The following RPF2 variants were observed in gnomAD, a reference collection of about 807,000 sequenced individuals.
RPF2 encodes ribosome production factor 2 homolog.
RPF2 carries 21 observed loss-of-function variants against 38.9 expected under a neutral mutation model. The ratio of observed to expected loss-of-function variants is 0.54; its 90% CI spans 0.38 to 0.78. RPF2 has a LOEUF of 0.78. RPF2 is among the 30% of genes least tolerant of loss of function. The pLI is 0.00. For missense variants in RPF2, 314 were observed against 358.1 expected (o/e 0.88, Z 0.99); for synonymous variants, 121 against 126.2 (o/e 0.96, Z 0.28).
Position 111,025,719 on chromosome 6 carries a change from C to A in RPF2, c.*137C>A. On this transcript the variant is annotated 3_prime_UTR_variant, in exon 10 of 10. Coordinates refer to ENST00000441448, the MANE Select transcript of RPF2 (RefSeq NM_032194.3). The stretch of plus-strand genomic sequence containing the variant: ...TAATTTTACGATATATTATTATGAA[C>A]AGTAATATACTAGTATTAAGTGTAA... 2 of 620,018 alleles carry A rather than the reference C, an allele frequency of 3.2e-6. No individual in the cohort carries two copies. Among genetic ancestry groups the A allele is most frequent in the Non-Finnish European group, 5.3e-6 (2 of 373,858 alleles). 38.4% of individuals were successfully genotyped at this position (620,018 alleles called of 1,614,324 possible).
intron 7 of RPF2, 71 bp from the exon 8 acceptor site, chr6:111,015,683 G>A: frequency 9.7e-7 from 1 of 1,032,182 alleles, no homozygotes; most frequent in Non-Finnish European, 1.5e-6. Flanking sequence ...ACTGTTTAGA[G>A]TGCAGTTCTT....
chr6:110,985,105 A>G lies in RPF2; in HGVS notation c.123A>G (p.Ala41=). 1 of 1,613,774 alleles carries G rather than the reference A, an allele frequency of 6.2e-7. No homozygotes were observed. Among genetic ancestry groups the G allele is most frequent in the Non-Finnish European group, 8.5e-7 (1 of 1,179,758 alleles). ...KNAMLIKGGN[A]NATVTKVLKD... Reference sequence around the variant, plus strand: ...CCATGCTGATTAAAGGGGGAAATGCAAATGCAACAGTGACAAAAGTACTTA... The same window carrying G: ...CCATGCTGATTAAAGGGGGAAATGCGAATGCAACAGTGACAAAAGTACTTA... Residue 41 remains alanine (A), a synonymous_variant, in exon 2 of 10, where the codon GCA becomes GCG. Coordinates refer to ENST00000441448, the MANE Select transcript of RPF2 (RefSeq NM_032194.3).
At chr6:111,013,399 C>T (rs550959350) in intron 7 of RPF2, among the ~76,000 whole-genome samples, 11 of 152,268 alleles carry the variant, frequency 7.2e-5, no homozygotes, top group African/African-American at 2.4e-4. Flanking sequence ...TATGCCCTCC[C>T]GTTTTCATTC....
chr6:111,003,292 T>G (rs6910046), intron 6 of RPF2, among the ~76,000 whole-genome samples: 19,677 of 152,078 alleles, frequency 0.13, 1,756 homozygotes, highest in East Asian at 0.49. Flanking sequence ...TAACTTGTCC[T>G]TCTCCTCCAC....
intron 9 of RPF2, among the ~76,000 whole-genome samples, chr6:111,024,636 C>T (rs1370703455): frequency 8.8e-5 from 13 of 147,326 alleles, no homozygotes; most frequent in East Asian, 2.0e-4. Flanking sequence ...TGGCGTGAAC[C>T]GGGGAGGTGG....
intron 8 of RPF2, among the ~76,000 whole-genome samples, chr6:111,017,427 C>T (rs1205354729): frequency 6.7e-6 from 1 of 150,204 alleles, no homozygotes; most frequent in Non-Finnish European, 1.5e-5. Context: ...GGGGCGGCTG[C>T]CGGATGGGGG....
chr6:111,009,565 C>T (rs1426293092), intron 7 of RPF2, among the ~76,000 whole-genome samples: 1 of 152,182 alleles, frequency 6.6e-6, no homozygotes. Flanking sequence ...ATATACACTG[C>T]TTCATTCTAA....
chr6:111,015,846 C>T lies in RPF2; in HGVS notation c.586C>T (p.Arg196Ter), dbSNP rs1440298892. The change falls in exon 8 of 10, where the codon CGA becomes TGA. Residue 196 changes from arginine to a stop codon, truncating the protein, a stop_gained. Transcript: ENST00000441448. LOFTEE classifies it high-confidence loss of function. ...FTALNGKIYFRSYKLLLKKSG... is the reference protein window; with the variant it reads ...FTALNGKIYF The stretch of plus-strand genomic sequence containing the variant: ...TGCACTGAATGGGAAGATTTACTTT[C>T]GAAGCTATAAGTAAGTGCATTTCTT... 5.0e-6 allele frequency: 8 copies of T among 1,600,842 alleles called. No individual in the cohort carries two copies. The highest frequency in any genetic ancestry group is 2.2e-5 in the East Asian group (1 of 44,828).
At chr6:110,991,393 C>A (rs1244175246) in intron 3 of RPF2, among the ~76,000 whole-genome samples, 3 of 149,698 alleles carry the variant, frequency 2.0e-5, no homozygotes, top group Non-Finnish European at 4.4e-5. Flanking sequence ...GCTCGGCGCC[C>A]CCTGCTTTTT....
At chr6:110,999,418 T>C (rs190749273) in intron 5 of RPF2, among the ~76,000 whole-genome samples, 37 of 152,326 alleles carry the variant, frequency 2.4e-4, no homozygotes, top group African/African-American at 8.9e-4. Context: ...GTATTGAGAT[T>C]GAGCCTGGCA....
chr6:111,014,153 T>G (rs76229987), intron 7 of RPF2, among the ~76,000 whole-genome samples: 1 of 151,780 alleles, frequency 6.6e-6, no homozygotes, highest in Non-Finnish European at 1.5e-5. Flanking sequence ...TTTTTTTTTT[T>G]TGAGACTGAG....
chr6:110,995,933 C>T (rs1336944467), intron 4 of RPF2, among the ~76,000 whole-genome samples: 1 of 151,832 alleles, frequency 6.6e-6, no homozygotes, highest in African/African-American at 2.4e-5. Flanking sequence ...CCTCCCACCT[C>T]AGCCTCCCAA....
At chr6:110,996,386 C>G (rs888701093) in intron 4 of RPF2, among the ~76,000 whole-genome samples, 1 of 151,960 alleles carries the variant, frequency 6.6e-6, no homozygotes, top group African/African-American at 2.4e-5. Context: ...ACCATGTTGG[C>G]CAGGCTGGTC....
At chr6:110,987,434 A>G (rs1771542828) in intron 2 of RPF2, among the ~76,000 whole-genome samples, 1 of 152,184 alleles carries the variant, frequency 6.6e-6, no homozygotes, top group Non-Finnish European at 1.5e-5. Flanking sequence ...TGCCTTATAT[A>G]GGCCCATCCC....
intron 7 of RPF2, among the ~76,000 whole-genome samples, chr6:111,011,865 G>A (rs776560780): frequency 2.0e-5 from 3 of 152,120 alleles, no homozygotes; most frequent in Non-Finnish European, 4.4e-5. Context: ...CAGTGGTGAG[G>A]GGAAGGGAGT....
intron 9 of RPF2, among the ~76,000 whole-genome samples, chr6:111,024,629 C>A (rs973799346): frequency 2.7e-5 from 4 of 149,056 alleles, no homozygotes; most frequent in African/African-American, 9.9e-5. Context: ...AGGAGAATGG[C>A]GTGAACCGGG....
intron 6 of RPF2, 69 bp from the exon 7 acceptor site, chr6:111,007,969 A>T: frequency 6.9e-7 from 1 of 1,441,094 alleles, no homozygotes; most frequent in Non-Finnish European, 9.2e-7. Flanking sequence ...TAAAAATAAA[A>T]AACAAAATCA....
chr6:111,004,410 C>G lies in RPF2; in HGVS notation c.394-3628C>G, dbSNP rs567367504. Among the ~76,000 whole-genome samples, 84 of 151,898 alleles carry G rather than the reference C, an allele frequency of 5.5e-4. 1 individual carries two copies. Among genetic ancestry groups the G allele is most frequent in the African/African-American group, 2.0e-3 (82 of 41,406 alleles). Reference sequence around the variant, plus strand: ...TGTTGGCCAGGCTAGTCTCAAACTCCTGACCTTGTGATCCACCCACCTCGG... The same window carrying G: ...TGTTGGCCAGGCTAGTCTCAAACTCGTGACCTTGTGATCCACCCACCTCGG... On this transcript the variant is annotated intron_variant, in intron 6 of 9. Coordinates refer to ENST00000441448, the MANE Select transcript of RPF2 (RefSeq NM_032194.3).
At chr6:110,993,376 T>C (rs1185557979) in intron 4 of RPF2, among the ~76,000 whole-genome samples, 1 of 152,180 alleles carries the variant, frequency 6.6e-6, no homozygotes, top group Admixed American at 6.6e-5. Context: ...AATCAAATAA[T>C]CTTATTGTAA....
Sources: allele counts gnomAD v4.1 joint callset (sites outside exome capture counted in the v4.1 genomes callset), GRCh38; gene constraint gnomAD v4.1.1; transcripts MANE v1.5; gene names NCBI Gene and HGNC (gene_info 2026-07-23, HGNC 2026-07-21).